Variants in PABPC4L observed in about 807,000 individuals in gnomAD.
The protein encoded by PABPC4L is polyadenylate-binding protein 4-like.
For missense variants in PABPC4L, 452 were observed against 451.4 expected (o/e 1.00, Z -0.01); for synonymous variants, 169 against 164.1 (o/e 1.03, Z -0.23).
the PABPC4L span, among the ~76,000 whole-genome samples, chr4:134,148,764 G>C: frequency 6.6e-6 from 1 of 152,062 alleles, no homozygotes; most frequent in Non-Finnish European, 1.5e-5. Flanking sequence ...ATCCCTGCCA[G>C]TATACTAACT....
At chr4:133,953,279 G>T in the PABPC4L span, among the ~76,000 whole-genome samples, 1 of 152,060 alleles carries the variant, frequency 6.6e-6, no homozygotes, top group Non-Finnish European at 1.5e-5. Flanking sequence ...TCCAAGAGGG[G>T]TCTTGATTTA....
chr4:134,046,527 C>T, the PABPC4L span, among the ~76,000 whole-genome samples: 1 of 151,832 alleles, frequency 6.6e-6, no homozygotes, highest in South Asian at 2.1e-4. Flanking sequence ...TGCAAAGAGG[C>T]CTTCCTCTTT....
the PABPC4L span, among the ~76,000 whole-genome samples, chr4:134,131,845 A>G: frequency 6.6e-6 from 1 of 151,884 alleles, no homozygotes; most frequent in South Asian, 2.1e-4. Flanking sequence ...CCAAAACAGC[A>G]TAATACTGTT....
At chr4:134,099,198 C>A in the PABPC4L span, among the ~76,000 whole-genome samples, 6 of 151,550 alleles carry the variant, frequency 4.0e-5, no homozygotes, top group Non-Finnish European at 8.9e-5. Context: ...GGTGATAATA[C>A]TCTCCAATGT....
At chr4:133,953,809 C>T in the PABPC4L span, among the ~76,000 whole-genome samples, 1 of 152,138 alleles carries the variant, frequency 6.6e-6, no homozygotes, top group Non-Finnish European at 1.5e-5. Flanking sequence ...TCTAATCATT[C>T]CCCTCTCTTC....
At chr4:133,997,471 A>T in the PABPC4L span, among the ~76,000 whole-genome samples, 1 of 151,150 alleles carries the variant, frequency 6.6e-6, no homozygotes, top group Non-Finnish European at 1.5e-5. Context: ...TGGATCAAGG[A>T]GTAATTCTGA....
chr4:133,980,866 AC>A, the PABPC4L span, among the ~76,000 whole-genome samples: 1 of 152,138 alleles, frequency 6.6e-6, no homozygotes, highest in African/African-American at 2.4e-5. Flanking sequence ...CTCATTAAAA[AC>A]CACCAAAAGG....
At chr4:134,054,334 AT>A in the PABPC4L span, among the ~76,000 whole-genome samples, 21 of 143,042 alleles carry the variant, frequency 1.5e-4, no homozygotes, top group African/African-American at 3.6e-4. Context: ...TTTTAAATAA[AT>A]TTTTTTTTAT....
chr4:134,106,766 G>A, the PABPC4L span, among the ~76,000 whole-genome samples: 1 of 151,406 alleles, frequency 6.6e-6, no homozygotes, highest in African/African-American at 2.4e-5. Flanking sequence ...TTTATGTCAT[G>A]TATTTTCCAG....
At chr4:133,983,332 T>C in the PABPC4L span, among the ~76,000 whole-genome samples, 53 of 152,036 alleles carry the variant, frequency 3.5e-4, no homozygotes, top group East Asian at 0.01. Context: ...ATGCAAAATG[T>C]CTCATGTCTA....
the PABPC4L span, among the ~76,000 whole-genome samples, chr4:133,972,887 T>C: frequency 2.0e-5 from 3 of 152,130 alleles, no homozygotes; most frequent in African/African-American, 7.2e-5. Context: ...AGAGATACTA[T>C]ACAGCACTGT....
the PABPC4L span, among the ~76,000 whole-genome samples, chr4:134,024,923 A>AT: frequency 0.011 from 1,371 of 128,344 alleles, 14 homozygotes; most frequent in Non-Finnish European, 0.013. Context: ...TAATTATGTA[A>AT]TTTTTTTTTT....
the PABPC4L span, among the ~76,000 whole-genome samples, chr4:134,182,778 A>G: frequency 6.6e-5 from 10 of 152,044 alleles, no homozygotes; most frequent in African/African-American, 9.7e-5. Flanking sequence ...AAACAACCCC[A>G]TTAAAAGATG....
chr4:134,047,538 C>T, the PABPC4L span, among the ~76,000 whole-genome samples: 1 of 152,260 alleles, frequency 6.6e-6, no homozygotes, highest in Non-Finnish European at 1.5e-5. Context: ...GCTCAGCCCT[C>T]ATTAACACAC....
the PABPC4L span, chr4:134,010,787 A>T: frequency 6.6e-6 from 1 of 152,118 alleles, no homozygotes; most frequent in Non-Finnish European, 1.5e-5. Flanking sequence ...CAAGTAACAA[A>T]CCACAAGAGG....
the PABPC4L span, among the ~76,000 whole-genome samples, chr4:134,149,304 A>G: frequency 6.6e-6 from 1 of 152,214 alleles, no homozygotes; most frequent in Non-Finnish European, 1.5e-5. Context: ...AAGGAAGCTG[A>G]ACTCCACTGT....
At chr4:134,036,526 A>G in the PABPC4L span, among the ~76,000 whole-genome samples, 1 of 151,912 alleles carries the variant, frequency 6.6e-6, no homozygotes, top group Admixed American at 6.6e-5. Context: ...TCTTTTCTCT[A>G]TGTGGTATAG....
chr4:134,144,251 C>T, the PABPC4L span, among the ~76,000 whole-genome samples: 3,882 of 151,480 alleles, frequency 0.026, 139 homozygotes, highest in African/African-American at 0.087. Context: ...GAAAGAAGTT[C>T]AACTGAACAA....
chr4:133,949,565 G>T, the PABPC4L span, among the ~76,000 whole-genome samples: 1 of 151,992 alleles, frequency 6.6e-6, no homozygotes, highest in Non-Finnish European at 1.5e-5. Context: ...TTTCCTATTA[G>T]CCCCTTTTAC....
Sources: allele counts gnomAD v4.1 joint callset (sites outside exome capture counted in the v4.1 genomes callset), GRCh38; gene constraint gnomAD v4.1.1; transcripts MANE v1.5; gene names NCBI Gene and HGNC (gene_info 2026-07-23, HGNC 2026-07-21).